Variants in PDC observed in about 807,000 individuals in gnomAD.
PDC encodes the protein phosducin.
A neutral mutation model predicts 22.2 loss-of-function variants in PDC; 19 were observed. That is an observed-to-expected ratio of 0.86 (90% confidence interval 0.60 to 1.26). The LOEUF (loss-of-function observed/expected upper bound fraction) is 1.26. Ranked by LOEUF, PDC falls within the 50% of genes most tolerant of loss-of-function variation. The pLI is 0.00. For synonymous variants in PDC, 97 were observed against 96.2 expected, an observed-to-expected ratio of 1.01 and a Z score of -0.05; for missense variants, 274 against 286.8, an observed-to-expected ratio of 0.96 and a Z score of 0.32.
intron 1 of PDC, among the ~76,000 whole-genome samples, chr1:186,457,525 G>C (rs1258429720): frequency 6.6e-6 from 1 of 152,118 alleles, no homozygotes; most frequent in Non-Finnish European, 1.5e-5. Context: ...GTGATTTTCT[G>C]TTTGATTTTC....
intron 1 of PDC, among the ~76,000 whole-genome samples, chr1:186,452,529 G>A (rs941962764): frequency 4.6e-5 from 7 of 152,176 alleles, no homozygotes. Context: ...ATAAGGCACC[G>A]TGCCCAGCTG....
intron 1 of PDC, among the ~76,000 whole-genome samples, chr1:186,452,125 A>G (rs181634266): frequency 2.5e-4 from 38 of 152,368 alleles, no homozygotes; most frequent in African/African-American, 8.7e-4. Context: ...AGCCATTAAT[A>G]GATTTCATCT....
chr1:186,452,003 C>T (rs1234777678), intron 1 of PDC, among the ~76,000 whole-genome samples: 1 of 152,154 alleles, frequency 6.6e-6, no homozygotes, highest in South Asian at 2.1e-4. Context: ...AAAATTGCTA[C>T]TGTTTACTGC....
intron 3 of PDC, among the ~76,000 whole-genome samples, chr1:186,445,756 T>A (rs1417046612): frequency 6.6e-6 from 1 of 152,152 alleles, no homozygotes; most frequent in Non-Finnish European, 1.5e-5. Flanking sequence ...ATTGCGCCAC[T>A]GCACTCCAGC....
chr1:186,448,886 C>G (rs997631521), intron 2 of PDC, among the ~76,000 whole-genome samples: 2 of 151,736 alleles, frequency 1.3e-5, no homozygotes, highest in Non-Finnish European at 2.9e-5. Context: ...TATAGATAGC[C>G]AAACATAATT....
intron 2 of PDC, 115 bp from the exon 3 acceptor site, chr1:186,446,692 A>G (rs368363759): frequency 2.2e-5 from 12 of 555,716 alleles, no homozygotes; most frequent in East Asian, 2.1e-4. Flanking sequence ...CCTGCATCAG[A>G]AACAAACATC....
intron 1 of PDC, among the ~76,000 whole-genome samples, chr1:186,454,290 T>A (rs1379233313): frequency 6.7e-6 from 1 of 149,734 alleles, no homozygotes; most frequent in Admixed American, 6.7e-5. Context: ...GCAATTCTCC[T>A]GCCTCAGCCT....
At chr1:186,458,973 G>A (rs1490581149) in intron 1 of PDC, among the ~76,000 whole-genome samples, 1 of 152,118 alleles carries the variant, frequency 6.6e-6, no homozygotes, top group African/African-American at 2.4e-5. Flanking sequence ...ACCAGCCTGG[G>A]CAACATGGCA....
chr1:186,444,319 G>T lies in PDC; in HGVS notation c.401C>A (p.Thr134Asn), dbSNP rs1332494225. ...TTCATAAATGTGAACAACAATTGTG[G>T]TGATCTTCAGTTCCTTTTCAATTGT... ...LETIEKELKI[T>N]TIVVHIYEDG... Residue 134 changes from threonine (T) to asparagine (N), a missense_variant, in exon 4 of 4, where the codon ACC becomes AAC. Transcript: ENST00000391997. The T allele has an allele frequency of 6.2e-7, 1 of 1,613,492 alleles. No individual in the cohort carries two copies. The highest frequency in any genetic ancestry group is 1.3e-5 in the African/African-American group (1 of 74,874).
intron 1 of PDC, among the ~76,000 whole-genome samples, chr1:186,458,147 T>G (rs1415128748): frequency 1.3e-5 from 2 of 150,442 alleles, no homozygotes; most frequent in African/African-American, 4.9e-5. Context: ...ATATGAGCTT[T>G]AAAAGTCATA....
intron 1 of PDC, among the ~76,000 whole-genome samples, chr1:186,455,932 A>G (rs1211132142): frequency 1.1e-4 from 14 of 130,576 alleles, no homozygotes; most frequent in African/African-American, 4.1e-4. Flanking sequence ...AGATTGCGCC[A>G]CTGCACTCCA....
intron 1 of PDC, among the ~76,000 whole-genome samples, chr1:186,455,659 C>A (rs910378092): frequency 6.6e-6 from 1 of 151,600 alleles, no homozygotes; most frequent in Non-Finnish European, 1.5e-5. Flanking sequence ...CACAGAAGAG[C>A]CCACAAAAAT....
chr1:186,443,771 G>C lies in PDC; in HGVS notation c.*208C>G. 2.0e-6 allele frequency: 1 copy of C among 510,588 alleles called. No individual in the cohort carries two copies. The highest frequency in any genetic ancestry group is 3.4e-5 in the South Asian group (1 of 29,812). 31.6% of individuals were successfully genotyped at this position (510,588 alleles called of 1,614,324 possible). The stretch of plus-strand genomic sequence containing the variant: ...CTCTTTGTCTACTAATAATGTTGCT[G>C]AAGACAGCTCTGTTTTGTAGTCAAG... On this transcript the variant is annotated 3_prime_UTR_variant, in exon 4 of 4. Transcript: ENST00000391997.
chr1:186,456,404 T>A (rs970415199), intron 1 of PDC, among the ~76,000 whole-genome samples: 43 of 152,164 alleles, frequency 2.8e-4, no homozygotes, highest in African/African-American at 9.2e-4. Context: ...AGTAAATGTA[T>A]CCTTATTCCT....
intron 2 of PDC, among the ~76,000 whole-genome samples, chr1:186,447,017 A>T (rs1036097482): frequency 6.6e-6 from 1 of 152,222 alleles, no homozygotes; most frequent in Non-Finnish European, 1.5e-5. Context: ...ACAATAGTAT[A>T]TAAAAAACAA....
chr1:186,446,705 G>T (rs1662237179), intron 2 of PDC, 128 bp from the exon 3 acceptor site: 1 of 513,116 alleles, frequency 1.9e-6, no homozygotes, highest in Non-Finnish European at 3.4e-6. Flanking sequence ...CAAACATCTT[G>T]TTTGGACTAG....
chr1:186,458,623 C>T (rs943950260), intron 1 of PDC, among the ~76,000 whole-genome samples: 1 of 151,234 alleles, frequency 6.6e-6, no homozygotes, highest in Non-Finnish European at 1.5e-5. Flanking sequence ...GGTACTCCTC[C>T]CTTTTTAACT....
chr1:186,459,164 A>G (rs1662528555), intron 1 of PDC, among the ~76,000 whole-genome samples: 1 of 152,140 alleles, frequency 6.6e-6, no homozygotes, highest in Admixed American at 6.6e-5. Context: ...TCCAACTCAA[A>G]AAAAGAAAAA....
At chr1:186,459,921 GAA>G (rs5779292) in intron 1 of PDC, among the ~76,000 whole-genome samples, 3 of 140,504 alleles carry the variant, frequency 2.1e-5, no homozygotes, top group Admixed American at 1.4e-4. Context: ...AAACAAAATA[GAA>G]AAAAAAAAAC....
Sources: allele counts gnomAD v4.1 joint callset (sites outside exome capture counted in the v4.1 genomes callset), GRCh38; gene constraint gnomAD v4.1.1; transcripts MANE v1.5; gene names NCBI Gene and HGNC (gene_info 2026-07-23, HGNC 2026-07-21).